The following TCP11L2 variants were observed in gnomAD, a reference collection of about 807,000 sequenced individuals.
The protein encoded by TCP11L2 is T-complex protein 11-like protein 2.
A neutral mutation model predicts 50.7 loss-of-function variants in TCP11L2; 39 were observed. That is an observed-to-expected ratio of 0.77 (90% CI 0.60 to 1.01). The LOEUF (loss-of-function observed/expected upper bound fraction) is 1.01. Among genes scored for constraint, TCP11L2 ranks in the 50% least tolerant of loss-of-function variants. The pLI, the probability that TCP11L2 is intolerant of heterozygous loss-of-function variation, is 0.00. For synonymous variants in TCP11L2, 192 were observed against 219.3 expected (o/e 0.88, Z 1.10); for missense variants, 612 against 614.7 (o/e 1.00, Z 0.05).
rs771951691 is a variant in TCP11L2, at chr12:106,346,354, A to T, written c.1384A>T (p.Met462Leu). The T allele has an allele frequency of 1.9e-6, 3 of 1,613,728 alleles. No homozygotes were observed. The highest frequency in any genetic ancestry group is 1.7e-6 in the Non-Finnish European group (2 of 1,179,592). ...AAGCCCTCAAAAATGCATGCCTCCT[A>T]TGCCAGGAGGCCTAGCTGTCATTCA... ...LPSPQKCMPP[M>L]PGGLAVIQQE... Residue 462 changes from methionine (M) to leucine (L), a missense_variant, in exon 10 of 10, where the codon ATG becomes TTG. By Grantham distance (15) the Met-to-Leu change is conservative (BLOSUM62 2). Transcript: ENST00000299045.
At chr12:106,318,238 C>A in intron 3 of TCP11L2, 106 bp from the exon 4 acceptor site, 3 of 1,313,126 alleles carry the variant, frequency 2.3e-6, no homozygotes, top group Non-Finnish European at 3.1e-6. Flanking sequence ...GACAATTATT[C>A]TGTGTTTTTT....
chr12:106,326,164 C>T (rs1164917715), intron 6 of TCP11L2, among the ~76,000 whole-genome samples: 10 of 152,126 alleles, frequency 6.6e-5, no homozygotes, highest in Non-Finnish European at 1.3e-4. Flanking sequence ...TAGGTGGTTT[C>T]TGCCGAGATA....
At chr12:106,329,639 C>T in intron 6 of TCP11L2, 1 of 1,290,624 alleles carries the variant, frequency 7.7e-7, no homozygotes, top group Non-Finnish European at 9.8e-7. Flanking sequence ...ATTCTAAAGT[C>T]AGCCAGGATT....
intron 8 of TCP11L2, among the ~76,000 whole-genome samples, chr12:106,340,108 T>C (rs979959975): frequency 1.3e-5 from 2 of 152,228 alleles, no homozygotes; most frequent in African/African-American, 4.8e-5. Context: ...TTAATTCCCA[T>C]TTTGCAGAGT....
At chr12:106,337,973 A>G (rs2035974598) in intron 8 of TCP11L2, among the ~76,000 whole-genome samples, 1 of 152,178 alleles carries the variant, frequency 6.6e-6, no homozygotes, top group African/African-American at 2.4e-5. Flanking sequence ...GGGCAATAGC[A>G]TTCATAGTAT....
At chr12:106,317,444 A>C (rs2035134339) in intron 3 of TCP11L2, among the ~76,000 whole-genome samples, 1 of 152,230 alleles carries the variant, frequency 6.6e-6, no homozygotes, top group African/African-American at 2.4e-5. Context: ...TGAACCTGGG[A>C]GGCGGAGGCC....
upstream of TCP11L2, among the ~76,000 whole-genome samples, chr12:106,300,991 C>CATGTG (rs371274964): frequency 2.1e-4 from 32 of 152,292 alleles, no homozygotes; most frequent in African/African-American, 6.7e-4. Flanking sequence ...GTAATGTTGC[C>CATGTG]ATGTGTCATT....
At chr12:106,333,604 C>A (rs141678041) in intron 6 of TCP11L2, among the ~76,000 whole-genome samples, 2 of 151,916 alleles carry the variant, frequency 1.3e-5, no homozygotes, top group Admixed American at 1.3e-4. Flanking sequence ...CACTTAAGAG[C>A]TGAACATTTT....
intron 1 of TCP11L2, among the ~76,000 whole-genome samples, chr12:106,309,245 T>C (rs1302199572): frequency 6.6e-6 from 1 of 152,144 alleles, no homozygotes; most frequent in African/African-American, 2.4e-5. Context: ...CCTGAGCAGA[T>C]TGGAGTTTAA....
At chr12:106,312,699 T>C (rs2034909356) in intron 2 of TCP11L2, among the ~76,000 whole-genome samples, 1 of 152,054 alleles carries the variant, frequency 6.6e-6, no homozygotes, top group Admixed American at 6.6e-5. Flanking sequence ...CTGGCCAACA[T>C]GGTGAAACCC....
intron 9 of TCP11L2, among the ~76,000 whole-genome samples, chr12:106,345,762 G>C (rs1361491741): frequency 6.6e-6 from 1 of 152,152 alleles, no homozygotes; most frequent in Admixed American, 6.5e-5. Flanking sequence ...CGACCGGGTG[G>C]CTCTTTTGGT....
At chr12:106,311,722 AC>A (rs1305324091) in intron 2 of TCP11L2, among the ~76,000 whole-genome samples, 2 of 152,228 alleles carry the variant, frequency 1.3e-5, no homozygotes, top group Admixed American at 6.5e-5. Flanking sequence ...GAGAATTACT[AC>A]ATTAGGGGTG....
chr12:106,319,522 A>G (rs1010905054), intron 4 of TCP11L2, among the ~76,000 whole-genome samples: 3 of 152,204 alleles, frequency 2.0e-5, no homozygotes, highest in East Asian at 1.9e-4. Context: ...GCTTAGGGTG[A>G]TGCTAAAGCG....
chr12:106,302,340 CAG>C (rs533071776), upstream of TCP11L2, among the ~76,000 whole-genome samples: 568 of 107,220 alleles, frequency 5.3e-3, 47 homozygotes, highest in African/African-American at 0.021. Flanking sequence ...AGCCCCCGCT[CAG>C]CCCCCGCTCA....
intron 6 of TCP11L2, among the ~76,000 whole-genome samples, chr12:106,328,112 A>G (rs7961133): frequency 0.36 from 54,518 of 152,166 alleles, 10,276 homozygotes; most frequent in African/African-American, 0.45. Flanking sequence ...CATAAATATC[A>G]CTTTCAGAAT....
chr12:106,315,421 A>T (rs1259343202), intron 3 of TCP11L2, among the ~76,000 whole-genome samples: 1 of 152,012 alleles, frequency 6.6e-6, no homozygotes, highest in African/African-American at 2.4e-5. Context: ...TTTTGTTAAG[A>T]GGTCTTATAA....
At chr12:106,316,686 T>C (rs2035096668) in intron 3 of TCP11L2, among the ~76,000 whole-genome samples, 1 of 152,184 alleles carries the variant, frequency 6.6e-6, no homozygotes, top group African/African-American at 2.4e-5. Context: ...GAAATTGTCG[T>C]ATTCATTTTT....
chr12:106,311,750 G>A (rs2034861947), intron 2 of TCP11L2, among the ~76,000 whole-genome samples: 1 of 152,098 alleles, frequency 6.6e-6, no homozygotes, highest in African/African-American at 2.4e-5. Context: ...AGAGTTAAAA[G>A]AGAGGCCACA....
intron 3 of TCP11L2, among the ~76,000 whole-genome samples, chr12:106,314,758 G>C (rs1239141805): frequency 6.6e-6 from 1 of 152,024 alleles, no homozygotes; most frequent in Non-Finnish European, 1.5e-5. Context: ...CCATCACTTT[G>C]GGAGGTGGAG....
Sources: gnomAD v4.1 joint callset for allele counts (sites outside exome capture counted in the v4.1 genomes callset) on GRCh38, gnomAD v4.1.1 for gene constraint, MANE v1.5 for transcripts, NCBI Gene and HGNC (gene_info 2026-07-23, HGNC 2026-07-21) for gene names.